AKAP6: variants seen among roughly 807,000 people sequenced by gnomAD.
The protein encoded by AKAP6 is A-kinase anchoring protein 6.
A neutral mutation model predicts 188.5 loss-of-function variants in AKAP6; 58 were observed. That is an observed-to-expected ratio of 0.31 (90% CI 0.25 to 0.38). The LOEUF (loss-of-function observed/expected upper bound fraction) is 0.38, where lower values mean the gene tolerates loss of function less well. Among genes scored for constraint, AKAP6 ranks in the 10% least tolerant of loss-of-function variants. The probability of loss-of-function intolerance (pLI) is 1.00; values close to 1 mark genes in which losing one functional copy is unlikely to be tolerated. For missense variants in AKAP6, 2,710 were observed against 2,740.0 expected (o/e 0.99, Z 0.24); for synonymous variants, 989 against 998.6 (o/e 0.99, Z 0.18).
At chr14:32,590,985 T>C (rs1473779981) in intron 5 of AKAP6, among the ~76,000 whole-genome samples, 1 of 152,244 alleles carries the variant, frequency 6.6e-6, no homozygotes. Context: ...AACAAATTTT[T>C]AATGGAACTG....
intron 2 of AKAP6, among the ~76,000 whole-genome samples, chr14:32,445,012 G>A (rs1454766173): frequency 6.6e-6 from 1 of 152,148 alleles, no homozygotes; most frequent in Admixed American, 6.5e-5. Flanking sequence ...AAGTAACTAG[G>A]AATAAAATGC....
intron 7 of AKAP6, among the ~76,000 whole-genome samples, chr14:32,664,226 A>G (rs191292213): frequency 6.6e-6 from 1 of 152,266 alleles, no homozygotes; most frequent in East Asian, 1.9e-4. Flanking sequence ...GAGAATTTTC[A>G]GGAACAGCTA....
chr14:32,646,583 A>C (rs1261052194), intron 7 of AKAP6, among the ~76,000 whole-genome samples: 3 of 152,204 alleles, frequency 2.0e-5, no homozygotes, highest in Non-Finnish European at 2.9e-5. Flanking sequence ...TCCAGATTTC[A>C]ATGAAATATA....
intron 2 of AKAP6, among the ~76,000 whole-genome samples, chr14:32,460,329 G>A (rs1891280503): frequency 6.6e-6 from 1 of 152,172 alleles, no homozygotes; most frequent in Admixed American, 6.5e-5. Context: ...AACTGGCCAA[G>A]ATGGCTGAAT....
intron 2 of AKAP6, chr14:32,495,177 C>T (rs1033448865): frequency 6.6e-6 from 1 of 152,130 alleles, no homozygotes; most frequent in Non-Finnish European, 1.5e-5. Flanking sequence ...GAAAGAAAGT[C>T]ATATGTTATG....
chr14:32,363,846 A>T (rs561664833), intron 1 of AKAP6, among the ~76,000 whole-genome samples: 33 of 152,326 alleles, frequency 2.2e-4, no homozygotes, highest in Admixed American at 1.9e-3. Flanking sequence ...AACCATCACA[A>T]GGTGCCATCT....
chr14:32,614,455 T>C (rs1028757119), intron 7 of AKAP6, among the ~76,000 whole-genome samples: 2 of 152,188 alleles, frequency 1.3e-5, no homozygotes, highest in African/African-American at 4.8e-5. Context: ...TTTGTGTAAT[T>C]TTCCAAGGCA....
intron 12 of AKAP6, among the ~76,000 whole-genome samples, chr14:32,790,688 T>G (rs903496094): frequency 7.9e-5 from 12 of 152,250 alleles, no homozygotes; most frequent in Non-Finnish European, 1.5e-4. Flanking sequence ...GCCATGGTGG[T>G]TTGCTGCAGC....
intron 2 of AKAP6, among the ~76,000 whole-genome samples, chr14:32,502,876 A>G (rs967681278): frequency 1.3e-5 from 2 of 152,158 alleles, no homozygotes; most frequent in Non-Finnish European, 2.9e-5. Context: ...GGATATTACA[A>G]ACTGTATTGC....
At chr14:32,472,360 T>A (rs1280049150) in intron 2 of AKAP6, among the ~76,000 whole-genome samples, 1 of 151,838 alleles carries the variant, frequency 6.6e-6, no homozygotes, top group Non-Finnish European at 1.5e-5. Flanking sequence ...GCTTAGCAGG[T>A]GGGGTAAATA....
chr14:32,392,151 T>C (rs950708164), intron 1 of AKAP6, among the ~76,000 whole-genome samples: 2 of 152,210 alleles, frequency 1.3e-5, no homozygotes, highest in African/African-American at 4.8e-5. Context: ...TAAGTAACTT[T>C]GGAAAACAGT....
At chr14:32,333,389 T>C (rs1016614749) in intron 1 of AKAP6, among the ~76,000 whole-genome samples, 2 of 152,176 alleles carry the variant, frequency 1.3e-5, no homozygotes, top group African/African-American at 4.8e-5. Context: ...ATCTCCTATA[T>C]GCCAGGCATT....
In AKAP6 at chr14:32,439,666, G is replaced by A. The variant is rs17099132; in HGVS notation, c.324+5849G>A. ...ACTGTGGTGTCTAGGGTCCATAGTC[G>A]TGACAGTGAGCAACAGCCAGGGTTG... On this transcript the variant is annotated intron_variant, in intron 2 of 13. Coordinates refer to ENST00000280979, the MANE Select transcript of AKAP6 (RefSeq NM_004274.5). Among the ~76,000 whole-genome samples the A allele has an allele frequency of 1.8e-3, 269 of 152,298 alleles. 6 individuals carry two copies. In the East Asian group the frequency reaches 0.043, roughly 25 times the overall value.
chr14:32,688,489 A>T (rs1322662945), intron 8 of AKAP6, among the ~76,000 whole-genome samples: 1 of 152,194 alleles, frequency 6.6e-6, no homozygotes, highest in Non-Finnish European at 1.5e-5. Flanking sequence ...GTATGTCCTC[A>T]AGAAGGGCTA....
chr14:32,748,181 C>A (rs746500185), intron 11 of AKAP6, among the ~76,000 whole-genome samples: 20 of 152,206 alleles, frequency 1.3e-4, no homozygotes, highest in Non-Finnish European at 2.6e-4. Context: ...GCAAAGGTAT[C>A]TCAGTGCTCT....
chr14:32,647,543 G>T (rs996950124), intron 7 of AKAP6, among the ~76,000 whole-genome samples: 1 of 152,000 alleles, frequency 6.6e-6, no homozygotes, highest in Admixed American at 6.6e-5. Context: ...AATTTAAGTG[G>T]CATCTTCAGC....
intron 2 of AKAP6, among the ~76,000 whole-genome samples, chr14:32,506,544 T>TA (rs763044518): frequency 1.3e-5 from 2 of 152,098 alleles, no homozygotes; most frequent in African/African-American, 2.4e-5. Flanking sequence ...ACAGAACAAA[T>TA]AGAACTGTGG....
chr14:32,648,210 G>A (rs769153405), intron 7 of AKAP6, among the ~76,000 whole-genome samples: 32 of 152,030 alleles, frequency 2.1e-4, no homozygotes, highest in East Asian at 1.9e-4. Context: ...AAAAACAGAC[G>A]TTTTAGAAAA....
chr14:32,332,673 T>C (rs1886567614), intron 1 of AKAP6, among the ~76,000 whole-genome samples: 1 of 152,084 alleles, frequency 6.6e-6, no homozygotes, highest in African/African-American at 2.4e-5. Flanking sequence ...ATGTTTGTAT[T>C]CCCTGCTGTT....
Sources: allele counts gnomAD v4.1 joint callset (sites outside exome capture counted in the v4.1 genomes callset), GRCh38; gene constraint gnomAD v4.1.1; transcripts MANE v1.5; gene names NCBI Gene and HGNC (gene_info 2026-07-23, HGNC 2026-07-21).